SAMSN1: variants seen among roughly 807,000 people sequenced by gnomAD.
SAMSN1 encodes SAM domain, SH3 domain and nuclear localization signals 1, also known as SAM domain-containing protein SAMSN-1.
A neutral mutation model predicts 42.0 loss-of-function variants in SAMSN1; 31 were observed. The ratio of observed to expected loss-of-function variants is 0.74; its 90% CI spans 0.55 to 1.00. The LOEUF (loss-of-function observed/expected upper bound fraction) is 1.00, where lower values mean the gene tolerates loss of function less well. SAMSN1 is among the 50% of genes least tolerant of loss of function. The pLI is 0.00. For synonymous variants in SAMSN1, 178 were observed against 151.9 expected (o/e 1.17, Z -1.26); for missense variants, 464 against 439.4 (o/e 1.06, Z -0.50).
Position 14,485,899 on chromosome 21 carries a change from TG to T in SAMSN1, c.*12del. ...TGGAATGCATCTGTAGATATATAGT[TG>T]GGAATGCGTGTTCAGTCACTTGGCT... is the stretch of plus-strand genomic sequence containing the variant. On this transcript the variant is annotated 3_prime_UTR_variant, in exon 8 of 8. Transcript: ENST00000400566. 6.2e-7 allele frequency: 1 copy of T among 1,606,014 alleles called. No individual in the cohort carries two copies. Among genetic ancestry groups the T allele is most frequent in the Non-Finnish European group, 8.5e-7 (1 of 1,173,172 alleles).
chr21:14,489,853 G>C (rs527516667), intron 7 of SAMSN1, among the ~76,000 whole-genome samples: 128 of 152,142 alleles, frequency 8.4e-4, no homozygotes, highest in African/African-American at 3.1e-3. Flanking sequence ...GATGAAAACA[G>C]AAGACGTCTA....
At chr21:14,586,596 G>A (rs923814401), upstream of SAMSN1, among the ~76,000 whole-genome samples, 8 of 152,146 alleles carry the variant, frequency 5.3e-5, no homozygotes, top group Admixed American at 1.3e-4. Context: ...GGTGACAGGC[G>A]ATAAACATAT....
chr21:14,518,692 T>C (rs1174024420), intron 2 of SAMSN1, among the ~76,000 whole-genome samples: 1 of 152,200 alleles, frequency 6.6e-6, no homozygotes, highest in Non-Finnish European at 1.5e-5. Context: ...CTTCATATCT[T>C]ACCCCAAATT....
At chr21:14,625,013 C>A (rs1983125635) in intron 2 of SAMSN1, among the ~76,000 whole-genome samples, 1 of 152,034 alleles carries the variant, frequency 6.6e-6, no homozygotes, top group African/African-American at 2.4e-5. Flanking sequence ...ATAAACAGAA[C>A]CAACGACAAA....
intron 2 of SAMSN1, among the ~76,000 whole-genome samples, chr21:14,581,864 A>G (rs1018821436): frequency 1.3e-5 from 2 of 152,156 alleles, no homozygotes; most frequent in Admixed American, 6.5e-5. Context: ...CATTTTCTTG[A>G]TCTCAGTCAA....
chr21:14,631,600 C>T (rs458711), intron 2 of SAMSN1, among the ~76,000 whole-genome samples: 72,085 of 152,040 alleles, frequency 0.47, 20,104 homozygotes, highest in Non-Finnish European at 0.62. Flanking sequence ...CTCCTGACTT[C>T]GTGATCTGCC....
At chr21:14,501,398 A>G (rs1987145652) in intron 5 of SAMSN1, among the ~76,000 whole-genome samples, 2 of 152,242 alleles carry the variant, frequency 1.3e-5, no homozygotes, top group South Asian at 4.1e-4. Flanking sequence ...AGAAAAAGAA[A>G]CAGAGATATT....
At chr21:14,553,858 T>A (rs185437419) in intron 2 of SAMSN1, among the ~76,000 whole-genome samples, 1 of 152,244 alleles carries the variant, frequency 6.6e-6, no homozygotes, top group East Asian at 1.9e-4. Context: ...ATCTTTGGTA[T>A]ATCCTAAAAT....
intron 1 of SAMSN1, among the ~76,000 whole-genome samples, chr21:14,528,854 G>T (rs145076418): frequency 2.0e-5 from 3 of 151,760 alleles, no homozygotes; most frequent in Admixed American, 1.3e-4. Context: ...GACCGTTACC[G>T]AGAGCTTTCC....
At chr21:14,606,454 A>G (rs1294984767) in intron 5 of SAMSN1, among the ~76,000 whole-genome samples, 1 of 152,130 alleles carries the variant, frequency 6.6e-6, no homozygotes, top group Non-Finnish European at 1.5e-5. Flanking sequence ...TCATAACTTA[A>G]TCTTAGGTAA....
At chr21:14,493,920 T>C (rs1600857799) in intron 7 of SAMSN1, among the ~76,000 whole-genome samples, 1 of 152,126 alleles carries the variant, frequency 6.6e-6, no homozygotes, top group African/African-American at 2.4e-5. Flanking sequence ...CCTCCAGAGG[T>C]AATCCTGTGA....
intron 1 of SAMSN1, among the ~76,000 whole-genome samples, chr21:14,541,356 G>GTATCC (rs1319798135): frequency 6.6e-6 from 1 of 151,452 alleles, no homozygotes; most frequent in Non-Finnish European, 1.5e-5. Context: ...GCTTGAGTGA[G>GTATCC]TATCCATACT....
At chr21:14,510,154 A>G (rs1987619738) in intron 5 of SAMSN1, among the ~76,000 whole-genome samples, 156 bp downstream of exon 5, 1 of 152,034 alleles carries the variant, frequency 6.6e-6, no homozygotes, top group Non-Finnish European at 1.5e-5. Context: ...GAAAAAAAAA[A>G]AAGAAAAAAA....
intron 5 of SAMSN1, among the ~76,000 whole-genome samples, chr21:14,506,913 C>G (rs767500839): frequency 6.6e-6 from 1 of 152,116 alleles, no homozygotes; most frequent in Non-Finnish European, 1.5e-5. Flanking sequence ...AAATGTGATA[C>G]ACCACATAAA....
At chr21:14,649,329 C>T (rs1283516983) in intron 1 of SAMSN1, among the ~76,000 whole-genome samples, 5 of 150,710 alleles carry the variant, frequency 3.3e-5, no homozygotes, top group South Asian at 4.2e-4. Flanking sequence ...TGCTAGATGA[C>T]GAGTTAGTGG....
intron 3 of SAMSN1, among the ~76,000 whole-genome samples, chr21:14,514,172 G>T (rs1179389412): frequency 6.6e-6 from 1 of 152,212 alleles, no homozygotes; most frequent in Non-Finnish European, 1.5e-5. Context: ...AGCTTTCTCA[G>T]TATTCTGCTG....
intron 2 of SAMSN1, among the ~76,000 whole-genome samples, chr21:14,634,159 A>G (rs1054704654): frequency 1.3e-5 from 2 of 151,442 alleles, no homozygotes; most frequent in African/African-American, 4.8e-5. Flanking sequence ...ACAAAAATTA[A>G]CTCAAGATGG....
At chr21:14,486,285 C>T (rs567938943) in intron 7 of SAMSN1, among the ~76,000 whole-genome samples, 171 bp from the exon 8 acceptor site, 1 of 152,250 alleles carries the variant, frequency 6.6e-6, no homozygotes, top group South Asian at 2.1e-4. Context: ...GAGATATTTG[C>T]ACCCAAATAT....
At chr21:14,600,745 C>G (rs145675609) in intron 6 of SAMSN1, among the ~76,000 whole-genome samples, 17 of 152,220 alleles carry the variant, frequency 1.1e-4, no homozygotes, top group African/African-American at 3.9e-4. Flanking sequence ...TTCTCCTGGC[C>G]AGCAGACAAT....
Sources: gnomAD v4.1 joint callset for allele counts (sites outside exome capture counted in the v4.1 genomes callset) on GRCh38, gnomAD v4.1.1 for gene constraint, MANE v1.5 for transcripts, NCBI Gene and HGNC (gene_info 2026-07-23, HGNC 2026-07-21) for gene names.